SMYD3: variants seen among roughly 807,000 people sequenced by gnomAD.
The protein encoded by SMYD3 is histone-lysine N-methyltransferase SMYD3.
In SMYD3, 36 loss-of-function variants were observed where a neutral mutation model predicts 57.7. The observed-to-expected ratio is 0.62, with a 90% CI of 0.48 to 0.82. The LOEUF (loss-of-function observed/expected upper bound fraction) is 0.82. SMYD3 is among the 40% of genes least tolerant of loss of function. The pLI is 0.00. For missense variants in SMYD3, 515 were observed against 538.8 expected (o/e 0.96, Z 0.44); for synonymous variants, 211 against 195.0 (o/e 1.08, Z -0.68).
At chr1:246,220,460 C>A (rs2063235953) in intron 5 of SMYD3, among the ~76,000 whole-genome samples, 1 of 152,154 alleles carries the variant, frequency 6.6e-6, no homozygotes, top group Non-Finnish European at 1.5e-5. Flanking sequence ...GACCAAACCA[C>A]AGCTGTGGAT....
At chr1:246,089,654 C>G (rs958088889) in intron 5 of SMYD3, among the ~76,000 whole-genome samples, 1 of 152,088 alleles carries the variant, frequency 6.6e-6, no homozygotes, top group Non-Finnish European at 1.5e-5. Context: ...TGTTATATTT[C>G]TTTTGCACAC....
At chr1:246,112,387 T>C (rs1247218616) in intron 5 of SMYD3, among the ~76,000 whole-genome samples, 1 of 152,220 alleles carries the variant, frequency 6.6e-6, no homozygotes, top group East Asian at 1.9e-4. Context: ...GGTAAGATAT[T>C]CTTATAAATC....
chr1:246,075,294 CAAAT>C (rs1163424762), intron 5 of SMYD3, among the ~76,000 whole-genome samples: 1 of 152,072 alleles, frequency 6.6e-6, no homozygotes, highest in Admixed American at 6.5e-5. Context: ...GAGAAAGACA[CAAAT>C]AAAAGAACCA....
intron 5 of SMYD3, among the ~76,000 whole-genome samples, chr1:246,104,807 C>G (rs2061087795): frequency 6.6e-6 from 1 of 152,186 alleles, no homozygotes; most frequent in Non-Finnish European, 1.5e-5. Flanking sequence ...GAAACCACCT[C>G]TATGTCCTTC....
chr1:245,955,264 T>C (rs2057802016), intron 5 of SMYD3, among the ~76,000 whole-genome samples: 1 of 152,176 alleles, frequency 6.6e-6, no homozygotes, highest in African/African-American at 2.4e-5. Context: ...GCTAATTTTT[T>C]TTTGTATTTT....
chr1:246,397,195 G>A (rs1406415100), intron 1 of SMYD3, among the ~76,000 whole-genome samples: 1 of 152,220 alleles, frequency 6.6e-6, no homozygotes, highest in Admixed American at 6.5e-5. Context: ...ATCAGCGGCA[G>A]CATTAGATTC....
At chr1:246,366,804 G>A (rs948815587) in intron 1 of SMYD3, among the ~76,000 whole-genome samples, 3 of 151,820 alleles carry the variant, frequency 2.0e-5, no homozygotes, top group African/African-American at 7.3e-5. Flanking sequence ...GGTGGTGTGT[G>A]CCTGTAATCC....
At chr1:246,013,799 G>A (rs1001942930) in intron 5 of SMYD3, among the ~76,000 whole-genome samples, 1 of 152,126 alleles carries the variant, frequency 6.6e-6, no homozygotes, top group African/African-American at 2.4e-5. Context: ...AAGAGATGAT[G>A]TGTGTTTTTT....
At chr1:246,057,034 C>A (rs2060163782) in intron 5 of SMYD3, among the ~76,000 whole-genome samples, 1 of 152,180 alleles carries the variant, frequency 6.6e-6, no homozygotes, top group East Asian at 1.9e-4. Flanking sequence ...ACAGTAGCAC[C>A]TGCCTGTGGT....
chr1:245,787,909 G>A (rs557194398), intron 10 of SMYD3, among the ~76,000 whole-genome samples: 6 of 152,150 alleles, frequency 3.9e-5, no homozygotes, highest in Admixed American at 2.0e-4. Context: ...GTCGACTTTC[G>A]AACTGGGCAT....
intron 10 of SMYD3, among the ~76,000 whole-genome samples, chr1:245,818,096 C>G (rs2048953338): frequency 6.6e-6 from 1 of 151,960 alleles, no homozygotes; most frequent in Non-Finnish European, 1.5e-5. Flanking sequence ...ACATAATTGT[C>G]AGATTCACCA....
intron 5 of SMYD3, among the ~76,000 whole-genome samples, chr1:246,038,375 C>A (rs966849352): frequency 1.3e-5 from 2 of 152,036 alleles, no homozygotes; most frequent in African/African-American, 4.8e-5. Context: ...AATGAGACAA[C>A]TACTCATCCT....
chr1:246,002,087 T>C (rs567906835), intron 5 of SMYD3, among the ~76,000 whole-genome samples: 111 of 152,224 alleles, frequency 7.3e-4, no homozygotes, highest in African/African-American at 1.9e-3. Flanking sequence ...TTTTGAGACA[T>C]TGCCAAATTC....
intron 8 of SMYD3, among the ~76,000 whole-genome samples, chr1:245,908,184 C>T (rs1312830975): frequency 1.3e-5 from 2 of 151,300 alleles, no homozygotes; most frequent in Non-Finnish European, 2.9e-5. Context: ...CAAACAGAAG[C>T]CAAAGCTGAG....
At chr1:245,891,284 C>T (rs1558463263) in intron 8 of SMYD3, among the ~76,000 whole-genome samples, 1 of 152,158 alleles carries the variant, frequency 6.6e-6, no homozygotes, top group Non-Finnish European at 1.5e-5. Flanking sequence ...CCCATTTATC[C>T]TAACATGATT....
At chr1:246,226,101 T>C (rs2063326490) in intron 5 of SMYD3, among the ~76,000 whole-genome samples, 1 of 152,172 alleles carries the variant, frequency 6.6e-6, no homozygotes, top group Non-Finnish European at 1.5e-5. Flanking sequence ...TTGCCTAAAA[T>C]AAACTTCCAC....
intron 10 of SMYD3, among the ~76,000 whole-genome samples, chr1:245,837,042 C>T (rs1002783944): frequency 7.9e-5 from 12 of 152,000 alleles, no homozygotes; most frequent in Non-Finnish European, 1.2e-4. Flanking sequence ...CGTCACTGAC[C>T]AATCAGAAGA....
At chr1:246,452,946 A>G (rs2067652217) in intron 1 of SMYD3, among the ~76,000 whole-genome samples, 1 of 152,200 alleles carries the variant, frequency 6.6e-6, no homozygotes, top group African/African-American at 2.4e-5. Context: ...GGGCTTCTAG[A>G]TTAATATTCA....
chr1:245,895,859 C>T (rs146961600), intron 8 of SMYD3, among the ~76,000 whole-genome samples: 18 of 151,930 alleles, frequency 1.2e-4, no homozygotes, highest in East Asian at 1.2e-3. Context: ...CAGAAGGAAA[C>T]GAGGGAAGGC....
Sources: gnomAD v4.1 joint callset for allele counts (sites outside exome capture counted in the v4.1 genomes callset) on GRCh38, gnomAD v4.1.1 for gene constraint, MANE v1.5 for transcripts, NCBI Gene and HGNC (gene_info 2026-07-23, HGNC 2026-07-21) for gene names.